The following ZNF365 variants were observed in gnomAD, a reference collection of about 807,000 sequenced individuals.
ZNF365 encodes protein ZNF365.
Under a neutral mutation model 35.0 loss-of-function variants are expected in ZNF365, and 22 were observed. The observed-to-expected ratio is 0.63, with a 90% CI of 0.45 to 0.90. ZNF365 has a LOEUF of 0.90. Among genes scored for constraint, ZNF365 ranks in the 40% least tolerant of loss-of-function variants. The probability of loss-of-function intolerance (pLI) is 0.00; values close to 1 mark genes in which losing one functional copy is unlikely to be tolerated. For synonymous variants in ZNF365, 188 were observed against 196.2 expected (o/e 0.96, Z 0.35); for missense variants, 448 against 500.3 (o/e 0.90, Z 1.00).
chr10:62,463,526 G>A (rs1375478518), intron 4 of ZNF365, among the ~76,000 whole-genome samples: 1 of 152,224 alleles, frequency 6.6e-6, no homozygotes, highest in Non-Finnish European at 1.5e-5. Flanking sequence ...TGCGGCTTTG[G>A]TACATGACAG....
Position 62,409,980 on chromosome 10 carries a change from G to C in ZNF365, c.924+21404G>C, listed in dbSNP as rs370163387. Among the ~76,000 whole-genome samples the C allele has an allele frequency of 2.0e-5, 3 of 152,210 alleles. No individual in the cohort carries two copies. The East Asian group carries it at 5.8e-4, about 29-fold the overall frequency. On this transcript the variant is annotated intron_variant, in intron 3 of 4. Coordinates refer to the ZNF365 transcript ENST00000395255. ...GATGGTGTCCACATTACCTTGACTG[G>C]CCCTAGTGCATTTATAGCCTTTTAG...
chr10:62,397,877 T>A (rs1354205847), intron 3 of ZNF365, among the ~76,000 whole-genome samples: 1 of 152,192 alleles, frequency 6.6e-6, no homozygotes. Context: ...TCATTTCAAG[T>A]TTTCAAATTT....
chr10:62,416,574 T>G (rs1840080375), intron 3 of ZNF365, among the ~76,000 whole-genome samples: 1 of 152,116 alleles, frequency 6.6e-6, no homozygotes, highest in Non-Finnish European at 1.5e-5. Context: ...CAGCTCAAAA[T>G]AGCTTTTTCT....
intron 3 of ZNF365, among the ~76,000 whole-genome samples, chr10:62,397,551 C>T (rs1839751662): frequency 6.6e-6 from 1 of 152,184 alleles, no homozygotes; most frequent in Admixed American, 6.5e-5. Context: ...ACTGCCTATA[C>T]ACTGGATGGT....
At chr10:62,477,357 A>T (rs1285153912) in intron 4 of ZNF365, among the ~76,000 whole-genome samples, 3 of 152,234 alleles carry the variant, frequency 2.0e-5, no homozygotes, top group Non-Finnish European at 4.4e-5. Context: ...GGAAAAAAAG[A>T]AAGGCAACTA....
rs796089278 is a variant in ZNF365 at position 62,400,085 on chromosome 10, A to G, written c.*296A>G. 2.2e-5 allele frequency: 25 copies of G among 1,136,496 alleles called. No individual in the cohort carries two copies. In the African/African-American group the frequency reaches 2.4e-4, roughly 11 times the overall value. 70.4% of individuals were successfully genotyped at this position (1,136,496 alleles called of 1,614,324 possible). On this transcript the variant is annotated 3_prime_UTR_variant, in exon 5 of 5. Transcript: ENST00000395254. Reference sequence around the variant, plus strand: ...TGGCCCAGTCTCCAGTAATCTTGGCATCTGGGCTTCTATGCAGTGGTCACT... The same window carrying G: ...TGGCCCAGTCTCCAGTAATCTTGGCGTCTGGGCTTCTATGCAGTGGTCACT...
At chr10:62,379,422 T>C (rs551299485) in intron 2 of ZNF365, among the ~76,000 whole-genome samples, 1 of 152,264 alleles carries the variant, frequency 6.6e-6, no homozygotes, top group Admixed American at 6.5e-5. Context: ...CGCAGTGAAA[T>C]TGCCTTAAAC....
chr10:62,446,637 A>C (rs892203059), intron 3 of ZNF365, among the ~76,000 whole-genome samples: 2 of 152,134 alleles, frequency 1.3e-5, no homozygotes, highest in Non-Finnish European at 2.9e-5. Flanking sequence ...TTTGAAAACT[A>C]CTGCTGCAGC....
At chr10:62,476,568 G>A (rs1168248733) in intron 4 of ZNF365, among the ~76,000 whole-genome samples, 2 of 152,160 alleles carry the variant, frequency 1.3e-5, no homozygotes, top group Admixed American at 6.5e-5. Context: ...GGAAAAGATT[G>A]TTCTGCCACC....
chr10:62,407,349 C>T (rs1428759880), downstream of ZNF365, among the ~76,000 whole-genome samples: 1 of 152,186 alleles, frequency 6.6e-6, no homozygotes, highest in East Asian at 1.9e-4. Context: ...TCAAACACTA[C>T]AAAACATTAA....
At chr10:62,431,197 A>C (rs1840328607) in intron 3 of ZNF365, among the ~76,000 whole-genome samples, 1 of 152,200 alleles carries the variant, frequency 6.6e-6, no homozygotes, top group African/African-American at 2.4e-5. Context: ...CCTAGAAGTA[A>C]AGAAACACAG....
chr10:62,432,431 G>C (rs995877576), intron 3 of ZNF365, among the ~76,000 whole-genome samples: 1 of 152,264 alleles, frequency 6.6e-6, no homozygotes, highest in Admixed American at 6.5e-5. Context: ...AGCAGGTCAG[G>C]GCTGCTCCTA....
intron 2 of ZNF365, 43 bp from the exon 3 acceptor site, chr10:62,388,353 G>A (rs758619882): frequency 6.2e-7 from 1 of 1,611,370 alleles, no homozygotes; most frequent in Admixed American, 1.7e-5. Context: ...TGAATTCCTT[G>A]CCTTATATTT....
intron 4 of ZNF365, among the ~76,000 whole-genome samples, chr10:62,474,395 T>TTTTTG (rs137872467): frequency 0.047 from 7,232 of 152,264 alleles, 212 homozygotes; most frequent in East Asian, 0.17. Flanking sequence ...TGGTAAATTA[T>TTTTTG]TTTTGTTTTG....
chr10:62,472,593 T>C (rs1446572900), intron 4 of ZNF365, among the ~76,000 whole-genome samples: 15 of 152,224 alleles, frequency 9.9e-5, no homozygotes, highest in Non-Finnish European at 4.4e-5. Flanking sequence ...GAGCCTTTCC[T>C]AGTGCTTTTA....
intron 3 of ZNF365, among the ~76,000 whole-genome samples, chr10:62,443,596 T>C (rs1840537324): frequency 6.6e-6 from 1 of 152,202 alleles, no homozygotes; most frequent in Non-Finnish European, 1.5e-5. Context: ...CCTGGGGAGT[T>C]GTTTTTCTTC....
intron 3 of ZNF365, among the ~76,000 whole-genome samples, chr10:62,393,509 C>T (rs1839670649): frequency 6.6e-6 from 1 of 152,208 alleles, no homozygotes; most frequent in Non-Finnish European, 1.5e-5. Context: ...TGGGAACACC[C>T]TCGTATATGC....
intron 4 of ZNF365, among the ~76,000 whole-genome samples, chr10:62,462,281 T>C (rs548868845): frequency 6.6e-6 from 1 of 152,342 alleles, no homozygotes; most frequent in African/African-American, 2.4e-5. Flanking sequence ...TCATATCAAA[T>C]AGGTACTCAG....
rs41304617 is a variant in ZNF365 at position 62,400,845 on chromosome 10, C to T, written c.*1056C>T. 0.036 allele frequency: 35,668 copies of T among 985,492 alleles called. 711 individuals are homozygous for T. The highest frequency in any genetic ancestry group is 0.04 in the Non-Finnish European group (33,436 of 829,904). The allele number at this position is 985,492 out of a possible 1,614,324, so 61.0% of individuals were successfully genotyped here. ...GTTAAGGGCTTCAGGTATCTTTCAA[C>T]CAAGTATCTGGAGTGTTCACTCTAT... On this transcript the variant is annotated 3_prime_UTR_variant, in exon 5 of 5. Transcript: ENST00000395254.
Sources: gnomAD v4.1 joint callset for allele counts (sites outside exome capture counted in the v4.1 genomes callset) on GRCh38, gnomAD v4.1.1 for gene constraint, MANE v1.5 for transcripts, NCBI Gene and HGNC (gene_info 2026-07-23, HGNC 2026-07-21) for gene names.